GUCY2D: variants seen among roughly 807,000 people sequenced by gnomAD.
GUCY2D encodes retinal guanylyl cyclase 1.
In GUCY2D, 70 loss-of-function variants were observed where a neutral mutation model predicts 101.3. The observed-to-expected ratio is 0.69, with a 90% CI of 0.57 to 0.84. GUCY2D has a LOEUF of 0.84. GUCY2D is among the 40% of genes least tolerant of loss of function. GUCY2D has a pLI of 0.00. For missense variants in GUCY2D, 1,460 were observed against 1,542.5 expected, an observed-to-expected ratio of 0.95 and a Z score of 0.90; for synonymous variants, 688 against 670.7, an observed-to-expected ratio of 1.03 and a Z score of -0.40.
Position 8,014,151 on chromosome 17 carries a change from AAGG to A in GUCY2D, c.2412+126_2412+128del. 1 of 896,078 alleles carries A rather than the reference AAGG, an allele frequency of 1.1e-6. No homozygotes were observed. Among genetic ancestry groups the A allele is most frequent in the Non-Finnish European group, 1.8e-6 (1 of 546,768 alleles). The allele number at this position is 896,078 out of a possible 1,614,324, so 55.5% of individuals were successfully genotyped here. ...CCTCTGGCCTTCCAGGCTACCTCCT[AAGG>A]AGTAGCCTGAAGACTCGGAGTTTGG... is the stretch of plus-strand genomic sequence containing the variant. On this transcript the variant is annotated intron_variant, in intron 12 of 19. Coordinates refer to ENST00000254854, the MANE Select transcript of GUCY2D (RefSeq NM_000180.4). This position sits in a 1 kb window ranked among gnomAD's most constrained non-coding sequence, Gnocchi z 4.0.
chr17:8,019,211 T>C (rs1030955432), intron 19 of GUCY2D, among the ~76,000 whole-genome samples: 2 of 152,094 alleles, frequency 1.3e-5, no homozygotes, highest in African/African-American at 4.8e-5. Context: ...CAGCCTCCTG[T>C]CTCTTCCCTC....
rs1200335923 is a variant in GUCY2D, at chr17:8,006,689, C to T, written c.1353C>T (p.Phe451=). The T allele has an allele frequency of 1.2e-6, 2 of 1,609,674 alleles. No homozygotes were observed. The highest frequency in any genetic ancestry group is 2.2e-5 in the East Asian group (1 of 44,728). ...SAPGPDPSCW[F]DPNNICGGGL... ...CCGGACCTGACCCCTCGTGCTGGTT[C>T]GATCCAAACAACATCTGCGGTGGAG... Residue 451 remains phenylalanine (F), a synonymous_variant, in exon 4 of 20, where the codon TTC becomes TTT. Transcript: ENST00000254854.
intron 7 of GUCY2D, among the ~76,000 whole-genome samples, chr17:8,008,436 A>G (rs1309551005): frequency 6.6e-6 from 1 of 152,190 alleles, no homozygotes; most frequent in African/African-American, 2.4e-5. Context: ...AGACTCAGGA[A>G]TAGCAACCCC....
chr17:8,003,881 C>T lies in GUCY2D; in HGVS notation c.751C>T (p.Leu251=), dbSNP rs753468278. 16 of 1,612,930 alleles carry T rather than the reference C, an allele frequency of 9.9e-6. No homozygotes were observed. The highest frequency in any genetic ancestry group is 1.6e-4 in the Middle Eastern group (1 of 6,084). The part of the protein sequence containing the change: ...AVIMVMHSVL[L]GGEEQRYLLE... The stretch of plus-strand genomic sequence containing the variant: ...GATCATGGTGATGCACTCGGTGCTG[C>T]TGGGTGGCGAGGAGCAGCGCTACCT... Residue 251 remains leucine (L), a synonymous_variant, in exon 3 of 20, where the codon CTG becomes TTG. Transcript: ENST00000254854.
chr17:8,017,148 G>T (rs2151804500), intron 19 of GUCY2D, among the ~76,000 whole-genome samples: 1 of 152,314 alleles, frequency 6.6e-6, no homozygotes, highest in South Asian at 2.1e-4. Flanking sequence ...ACAAGAGCTG[G>T]TTGCAAAACC....
rs755088085 is a variant in GUCY2D at position 8,015,967 on chromosome 17, C to G, written c.3084C>G (p.Leu1028=). ...TGAACTTGAGCACTGTGGGGATTCT[C>G]CGTGCTCTGGACTCGGGCTACCAGG... ...IHVNLSTVGI[L]RALDSGYQVE... is the part of the protein sequence containing the mutation. The change falls in exon 17 of 20, where the codon CTC becomes CTG. Residue 1028 remains leucine (L), a synonymous_variant. Coordinates refer to ENST00000254854, the MANE Select transcript of GUCY2D (RefSeq NM_000180.4). The G allele has an allele frequency of 3.7e-6, 6 of 1,612,098 alleles. No individual in the cohort carries two copies. Among genetic ancestry groups the G allele is most frequent in the Middle Eastern group, 1.6e-4 (1 of 6,078 alleles).
chr17:8,012,026 C>T (rs1032021588), intron 8 of GUCY2D, 118 bp from the exon 9 acceptor site: 4 of 751,202 alleles, frequency 5.3e-6, no homozygotes, highest in Non-Finnish European at 9.6e-6. Context: ...ACCATTTCAT[C>T]CACCATTTGT....
Position 8,002,940 on chromosome 17 carries a change from C to A in GUCY2D, c.-9-99C>A. The A allele has an allele frequency of 1.1e-6, 1 of 913,890 alleles. No individual in the cohort carries two copies. Among genetic ancestry groups the A allele is most frequent in the East Asian group, 3.1e-5 (1 of 32,170 alleles). The allele number at this position is 913,890 out of a possible 1,614,324, so 56.6% of individuals were successfully genotyped here. A position where few individuals can be genotyped will look rare whatever the true frequency, so the allele number is the denominator to read the frequency against. On this transcript the variant is annotated intron_variant, in intron 1 of 19. Coordinates refer to ENST00000254854, the MANE Select transcript of GUCY2D (RefSeq NM_000180.4). The surrounding 1 kb of genome is among the most constrained non-coding windows in gnomAD (Gnocchi z 4.9). The stretch of plus-strand genomic sequence containing the variant: ...AGGGGGCGGTAGCAGCAGAATCATC[C>A]CATGGGTTACTCGGGCTTGGAGAAA...
Position 8,014,426 on chromosome 17 carries a change from T to G in GUCY2D, c.2413-175T>G. On this transcript the variant is annotated intron_variant, in intron 12 of 19. Transcript: ENST00000254854. This position sits in a 1 kb window ranked among gnomAD's most constrained non-coding sequence, Gnocchi z 4.0. Reference sequence around the variant, plus strand: ...TCATTTCCCACGTGCCTCCTAATCGTGTCTGAAAACACAGTGCCCAGCACC... The same window carrying G: ...TCATTTCCCACGTGCCTCCTAATCGGGTCTGAAAACACAGTGCCCAGCACC... 1 of 693,212 alleles carries G rather than the reference T, an allele frequency of 1.4e-6. No homozygotes were observed. The allele number at this position is 693,212 out of a possible 1,614,324, so 42.9% of individuals were successfully genotyped here. A position where few individuals can be genotyped will look rare whatever the true frequency, so the allele number is the denominator to read the frequency against.
intron 8 of GUCY2D, among the ~76,000 whole-genome samples, chr17:8,010,578 G>A (rs537992694): frequency 3.0e-4 from 45 of 151,794 alleles, no homozygotes; most frequent in Non-Finnish European, 5.0e-4. Context: ...AGGCCGAGGC[G>A]GGCGGATCAC....
chr17:8,007,783 G>T, intron 6 of GUCY2D, 148 bp from the exon 7 acceptor site: 1 of 706,964 alleles, frequency 1.4e-6, no homozygotes, highest in Non-Finnish European at 2.6e-6. Flanking sequence ...TGTAAAGCGT[G>T]CACTTGGGGA....
At position 8,015,466 on chromosome 17, in the gene GUCY2D, G is replaced by A; in HGVS notation, c.2908G>A (p.Glu970Lys). The A allele has an allele frequency of 2.5e-6, 4 of 1,613,510 alleles. No individual in the cohort carries two copies. Among genetic ancestry groups the A allele is most frequent in the Non-Finnish European group, 3.4e-6 (4 of 1,179,970 alleles). The change falls in exon 15 of 20, where the codon GAG (glutamate) becomes AAG (lysine). Residue 970 changes from glutamate to lysine, a missense_variant. By Grantham distance (56) the Glu-to-Lys change is moderately conservative. Coordinates refer to ENST00000254854, the MANE Select transcript of GUCY2D (RefSeq NM_000180.4). ...VGTFRMRHMP[E>K]VPVRIRIGLH... Reference sequence around the variant, plus strand: ...CACTTTCCGCATGCGCCATATGCCTGAGGTTCCCGTGCGCATCCGCATAGG... The same window carrying A: ...CACTTTCCGCATGCGCCATATGCCTAAGGTTCCCGTGCGCATCCGCATAGG...
Position 8,003,611 on chromosome 17 carries a change from C to T in GUCY2D, c.564C>T (p.Thr188=), listed in dbSNP as rs1339111149. 1.3e-6 allele frequency: 2 copies of T among 1,589,450 alleles called. No individual in the cohort carries two copies. Among genetic ancestry groups the T allele is most frequent in the Non-Finnish European group, 1.7e-6 (2 of 1,174,072 alleles). The change falls in exon 2 of 20, where the codon ACC becomes ACT. Residue 188 remains threonine, a synonymous_variant. Transcript: ENST00000254854. The part of the protein sequence containing the change: ...AFGWARVALV[T]APQDLWVEAG... Reference sequence around the variant, plus strand: ...GCTGGGCGCGCGTGGCCCTGGTCACCGCCCCCCAGGACCTGTGGGTGGAGG... The same window carrying T: ...GCTGGGCGCGCGTGGCCCTGGTCACTGCCCCCCAGGACCTGTGGGTGGAGG...
rs116870332 is a variant in GUCY2D at position 8,015,852 on chromosome 17, C to A, written c.3043+11C>A. 1.2e-5 allele frequency: 20 copies of A among 1,608,076 alleles called. No homozygotes were observed. The highest frequency in any genetic ancestry group is 1.5e-5 in the Non-Finnish European group (18 of 1,176,316). ...AGTCCACCGGGCTGCGTGAGTGTGACGGGGACAAGACGGGGAGGTGGGAGG... is the reference window on the plus strand; with the variant it reads ...AGTCCACCGGGCTGCGTGAGTGTGAAGGGGACAAGACGGGGAGGTGGGAGG... On this transcript the variant is annotated intron_variant, in intron 16 of 19. Coordinates refer to ENST00000254854, the MANE Select transcript of GUCY2D (RefSeq NM_000180.4).
Position 8,014,148 on chromosome 17 carries a change from C to T in GUCY2D, c.2412+120C>T. On this transcript the variant is annotated intron_variant, in intron 12 of 19. Transcript: ENST00000254854. This position sits in a 1 kb window ranked among gnomAD's most constrained non-coding sequence, Gnocchi z 4.0. ...GGACCTCTGGCCTTCCAGGCTACCTCCTAAGGAGTAGCCTGAAGACTCGGA... is the reference window on the plus strand; with the variant it reads ...GGACCTCTGGCCTTCCAGGCTACCTTCTAAGGAGTAGCCTGAAGACTCGGA... 1.4e-5 allele frequency: 13 copies of T among 921,484 alleles called. No individual in the cohort carries two copies. The South Asian group carries it at 1.7e-4, about 12-fold the overall frequency. 57.1% of individuals were successfully genotyped at this position (921,484 alleles called of 1,614,324 possible). A position where few individuals can be genotyped will look rare whatever the true frequency, so the allele number is the denominator to read the frequency against.
rs1386394197 is a variant in GUCY2D at position 8,006,786 on chromosome 17, G to A, written c.1378+72G>A. The stretch of plus-strand genomic sequence containing the variant: ...ATCCACAAAGTGATGAAAGAGAGTG[G>A]ACTCCTATCCTGTAATCCGTCTTCG... On this transcript the variant is annotated intron_variant, in intron 4 of 19. Transcript: ENST00000254854. 8 of 1,306,826 alleles carry A rather than the reference G, an allele frequency of 6.1e-6. No homozygotes were observed. The East Asian group carries it at 1.5e-4, about 25-fold the overall frequency. 81.0% of individuals were successfully genotyped at this position (1,306,826 alleles called of 1,614,324 possible).
At chr17:8,009,622 A>T in intron 8 of GUCY2D, 36 bp downstream of exon 8, 1 of 1,379,590 alleles carries the variant, frequency 7.2e-7, no homozygotes, top group Non-Finnish European at 1.0e-6. Flanking sequence ...CTAGGTGGCC[A>T]TCGGTTTCTC....
Position 8,004,145 on chromosome 17 carries a change from A to C in GUCY2D, c.1015A>C (p.Asn339His). The change falls in exon 3 of 20, where the codon AAT becomes CAT. Residue 339 changes from asparagine (N) to histidine (H), a missense_variant. This residue lies in a region of GUCY2D where 1,196 missense variants were observed against 1,229.6 expected (regional missense o/e 0.97). Coordinates refer to ENST00000254854, the MANE Select transcript of GUCY2D (RefSeq NM_000180.4). ...GCGCCGCGAGCTGCCCTCTGACCTC[A>C]ATCTGCAGCAGGTAGACGGTCCCGG... ...QERRELPSDL[N>H]LQQVSPLFGT... The C allele has an allele frequency of 6.3e-7, 1 of 1,592,040 alleles. No individual in the cohort carries two copies.
chr17:8,003,470 A>G lies in GUCY2D; in HGVS notation c.423A>G (p.Glu141=). 6.6e-7 allele frequency: 1 copy of G among 1,522,726 alleles called. No individual in the cohort carries two copies. 94.3% of individuals were successfully genotyped at this position (1,522,726 alleles called of 1,614,324 possible). Reference sequence around the variant, plus strand: ...GCCGGCCAGCCGAGCTGCTCGCCGAAGAAGCCGGGATCGCGCTGGTGCCCT... The same window carrying G: ...GCCGGCCAGCCGAGCTGCTCGCCGAGGAAGCCGGGATCGCGCTGGTGCCCT... The part of the protein sequence containing the change: ...AACRPAELLA[E]EAGIALVPWG... The change falls in exon 2 of 20, where the codon GAA becomes GAG. Residue 141 remains glutamate (E), a synonymous_variant. Transcript: ENST00000254854.
Sources: gnomAD v4.1 joint callset for allele counts (sites outside exome capture counted in the v4.1 genomes callset) on GRCh38, gnomAD v4.1.1 for gene constraint, gnomAD v4.1.1 regional missense constraint, Gnocchi (gnomAD v3.1) non-coding constraint, MANE v1.5 for transcripts, NCBI Gene and HGNC (gene_info 2026-07-23, HGNC 2026-07-21) for gene names.